Variants in FYN observed in about 807,000 individuals in gnomAD.
FYN encodes tyrosine-protein kinase Fyn.
In FYN, 10 loss-of-function variants were observed where a neutral mutation model predicts 70.2. The observed-to-expected ratio is 0.14, with a 90% CI of 0.09 to 0.24. FYN has a LOEUF of 0.24. FYN is among the 10% of genes least tolerant of loss of function. FYN has a pLI of 1.00. For synonymous variants in FYN, 236 were observed against 248.6 expected (o/e 0.95, Z 0.48); for missense variants, 319 against 673.1 (o/e 0.47, Z 5.82).
At chr6:111,853,057 C>T (rs1287294687) in intron 1 of FYN, among the ~76,000 whole-genome samples, 1 of 152,180 alleles carries the variant, frequency 6.6e-6, no homozygotes, top group African/African-American at 2.4e-5. Context: ...TGAGCTTTTG[C>T]ATGTCAGTTT....
chr6:111,871,805 G>A (rs1468928478), intron 1 of FYN, among the ~76,000 whole-genome samples: 15 of 152,192 alleles, frequency 9.9e-5, no homozygotes, highest in Non-Finnish European at 2.1e-4. Flanking sequence ...AAGACTGCTG[G>A]GATAACTGTT....
intron 3 of FYN, among the ~76,000 whole-genome samples, chr6:111,729,142 T>C (rs1801330727): frequency 6.6e-6 from 1 of 152,122 alleles, no homozygotes; most frequent in Admixed American, 6.5e-5. Flanking sequence ...GTAAAACCAT[T>C]TGGTAAACCA....
intron 13 of FYN, among the ~76,000 whole-genome samples, chr6:111,668,182 C>T (rs1023681474): frequency 1.3e-5 from 2 of 152,334 alleles, no homozygotes; most frequent in Non-Finnish European, 2.9e-5. Context: ...TTAACAGATT[C>T]TCATGTGTCC....
chr6:111,827,349 T>C (rs952333181), intron 2 of FYN, among the ~76,000 whole-genome samples: 68 of 152,218 alleles, frequency 4.5e-4, no homozygotes, highest in Non-Finnish European at 4.4e-5. Context: ...TTTGGGGCTC[T>C]ATGTCCTCTC....
chr6:111,674,521 G>A lies in FYN; in HGVS notation c.1383C>T (p.Thr461=), dbSNP rs776900760. Residue 461 remains threonine (T), a synonymous_variant, in exon 13 of 14, where the codon ACC becomes ACT. Coordinates refer to ENST00000354650, the MANE Select transcript of FYN (RefSeq NM_002037.5). Reference sequence around the variant, plus strand: ...TACCTGGGTATGGCACTCTTCCTTTGGTGACCAGCTCTGTGAGTAAGATTC... The same window carrying A: ...TACCTGGGTATGGCACTCTTCCTTTAGTGACCAGCTCTGTGAGTAAGATTC... ...SFGILLTELV[T]KGRVPYPGMN... is the part of the protein sequence containing the mutation. 3 of 1,613,606 alleles carry A rather than the reference G, an allele frequency of 1.9e-6. No individual in the cohort carries two copies. Among genetic ancestry groups the A allele is most frequent in the Non-Finnish European group, 2.5e-6 (3 of 1,179,680 alleles).
At chr6:111,708,707 G>A (rs1800226758) in intron 5 of FYN, among the ~76,000 whole-genome samples, 1 of 152,176 alleles carries the variant, frequency 6.6e-6, no homozygotes, top group Admixed American at 6.5e-5. Flanking sequence ...GGCAAGGGGT[G>A]AGGATGGGAA....
At chr6:111,864,476 C>T (rs978872762) in intron 1 of FYN, among the ~76,000 whole-genome samples, 3 of 152,172 alleles carry the variant, frequency 2.0e-5, no homozygotes, top group African/African-American at 7.2e-5. Context: ...TTCCAAAGAG[C>T]TCACAAGTCG....
At chr6:111,828,684 T>C (rs1246538737) in intron 2 of FYN, among the ~76,000 whole-genome samples, 1 of 152,276 alleles carries the variant, frequency 6.6e-6, no homozygotes, top group East Asian at 1.9e-4. Flanking sequence ...TCCACTTACA[T>C]GAGGTACCTA....
In FYN at chr6:111,822,700, TAAAAA is replaced by T. The variant is rs552140435; in HGVS notation, c.-82+23884_-82+23888del. Among the ~76,000 whole-genome samples the T allele has an allele frequency of 2.7e-4, 40 of 149,882 alleles. 1 individual carries two copies. The South Asian group carries it at 7.9e-3, about 30-fold the overall frequency. On this transcript the variant is annotated intron_variant, in intron 2 of 13. Transcript: ENST00000354650. ...AAAAATAAATAATAAATTTAAAAAA[TAAAAA>T]AAGAAAGAAATAAACAGTAGAGGTA... is the stretch of plus-strand genomic sequence containing the variant.
At chr6:111,737,463 T>C (rs1243953586) in intron 3 of FYN, among the ~76,000 whole-genome samples, 2 of 152,224 alleles carry the variant, frequency 1.3e-5, no homozygotes, top group African/African-American at 2.4e-5. Flanking sequence ...GAAACAGTTA[T>C]GTTTACTACT....
chr6:111,836,455 A>G (rs1773190264), intron 2 of FYN, among the ~76,000 whole-genome samples: 1 of 152,132 alleles, frequency 6.6e-6, no homozygotes. Flanking sequence ...TTCCAACAAC[A>G]ACAACAACAA....
At chr6:111,745,908 A>G (rs1035509091) in intron 3 of FYN, among the ~76,000 whole-genome samples, 2 of 152,208 alleles carry the variant, frequency 1.3e-5, no homozygotes, top group Non-Finnish European at 2.9e-5. Flanking sequence ...TGCAACTTAT[A>G]CAACATTGAT....
At chr6:111,716,931 C>A (rs1197240677) in intron 4 of FYN, among the ~76,000 whole-genome samples, 1 of 151,718 alleles carries the variant, frequency 6.6e-6, no homozygotes, top group African/African-American at 2.4e-5. Context: ...ATTACAGGTG[C>A]CTGCCACCAT....
At chr6:111,847,507 C>CT (rs1357605988) in intron 1 of FYN, among the ~76,000 whole-genome samples, 1 of 152,142 alleles carries the variant, frequency 6.6e-6, no homozygotes, top group African/African-American at 2.4e-5. Flanking sequence ...GGGCAGAGAG[C>CT]TTTGAGTTAA....
chr6:111,852,077 G>A (rs780355441), intron 1 of FYN, among the ~76,000 whole-genome samples: 9 of 152,192 alleles, frequency 5.9e-5, no homozygotes, highest in South Asian at 2.1e-4. Flanking sequence ...ACATGCCTCC[G>A]TTTCTCCTTC....
At chr6:111,813,150 C>T (rs1334128790) in intron 2 of FYN, among the ~76,000 whole-genome samples, 2 of 152,096 alleles carry the variant, frequency 1.3e-5, no homozygotes, top group Admixed American at 6.5e-5. Context: ...TTCTAAAATA[C>T]AAAGTTGGAT....
At position 111,683,727 on chromosome 6, in the gene FYN, C is replaced by CA. The variant is rs10707526; in HGVS notation, c.1274-9098dup. ...TTGAAAGTTACTCTGGGTAATAAAA[C>CA]AAAAAAAAAAAATCACAAACAATGC... On this transcript the variant is annotated intron_variant, in intron 12 of 13. Coordinates refer to ENST00000354650, the MANE Select transcript of FYN (RefSeq NM_002037.5). 2.1e-3 allele frequency among the ~76,000 whole-genome samples: 311 copies of CA among 148,840 alleles called. 1 individual carries two copies. Among genetic ancestry groups the CA allele is most frequent in the African/African-American group, 4.4e-3 (178 of 40,846 alleles).
At chr6:111,765,809 G>A (rs1165721583) in intron 3 of FYN, among the ~76,000 whole-genome samples, 1 of 151,186 alleles carries the variant, frequency 6.6e-6, no homozygotes, top group Non-Finnish European at 1.5e-5. Context: ...CAGCAGATTA[G>A]ACTTAGACTC....
chr6:111,700,776 G>C (rs184887155), intron 8 of FYN, among the ~76,000 whole-genome samples: 22 of 152,236 alleles, frequency 1.4e-4, no homozygotes, highest in African/African-American at 5.3e-4. Flanking sequence ...GGGGATTAGG[G>C]ATCTCTCTAT....
Sources: gnomAD v4.1 joint callset for allele counts (sites outside exome capture counted in the v4.1 genomes callset) on GRCh38, gnomAD v4.1.1 for gene constraint, MANE v1.5 for transcripts, NCBI Gene and HGNC (gene_info 2026-07-23, HGNC 2026-07-21) for gene names.